MARCHF1: variants seen among roughly 807,000 people sequenced by gnomAD.
The protein encoded by MARCHF1 is E3 ubiquitin-protein ligase MARCHF1.
MARCHF1 carries 40 observed loss-of-function variants against 54.2 expected under a neutral mutation model. That is an observed-to-expected ratio of 0.74 (90% confidence interval 0.57 to 0.96). MARCHF1 has a LOEUF of 0.96. Among genes scored for constraint, MARCHF1 ranks in the 40% least tolerant of loss-of-function variants. The pLI is 0.00. For synonymous variants in MARCHF1, 236 were observed against 236.3 expected, an observed-to-expected ratio of 1.00 and a Z score of 0.01; for missense variants, 586 against 656.5, an observed-to-expected ratio of 0.89 and a Z score of 1.17.
At chr4:163,576,485 T>A (rs754038734) in intron 8 of MARCHF1, among the ~76,000 whole-genome samples, 1 of 152,080 alleles carries the variant, frequency 6.6e-6, no homozygotes, top group Non-Finnish European at 1.5e-5. Flanking sequence ...TAGAGTATGT[T>A]CTGTGTGTAT....
intron 1 of MARCHF1, among the ~76,000 whole-genome samples, chr4:164,310,317 C>A (rs1579709796): frequency 6.6e-6 from 1 of 152,034 alleles, no homozygotes; most frequent in Admixed American, 6.6e-5. Context: ...ACCTCATGAT[C>A]CGCCTACCTT....
chr4:163,612,628 T>C lies in MARCHF1; in HGVS notation c.653A>G (p.Glu218Gly), dbSNP rs1420105307. ...ELVDLGSKGK[E>G]QQELIECESC... ...CTCACATTCAATCAGCTCTTGTTGC[T>C]CTTTACCTTTGGATCCCAGATCAAC... The change falls in exon 7 of 10, where the codon GAG becomes GGG. Residue 218 changes from glutamate (E) to glycine (G), a missense_variant. This residue lies in a region of MARCHF1 where 387 missense variants were observed against 394.6 expected (regional missense o/e 0.98). Transcript: ENST00000514618. 2.0e-6 allele frequency: 3 copies of C among 1,535,482 alleles called. No individual in the cohort carries two copies. The highest frequency in any genetic ancestry group is 2.7e-5 in the African/African-American group (2 of 72,998).
At chr4:164,028,312 G>A (rs947108640) in intron 2 of MARCHF1, among the ~76,000 whole-genome samples, 1 of 152,052 alleles carries the variant, frequency 6.6e-6, no homozygotes, top group Non-Finnish European at 1.5e-5. Flanking sequence ...CAAAGACATG[G>A]GATCAACCTA....
At chr4:164,345,440 C>T (rs188796350) in intron 1 of MARCHF1, among the ~76,000 whole-genome samples, 4 of 151,832 alleles carry the variant, frequency 2.6e-5, no homozygotes, top group South Asian at 2.1e-4. Flanking sequence ...GGTGTAGTGG[C>T]GCATGCTTGT....
intron 1 of MARCHF1, among the ~76,000 whole-genome samples, chr4:164,351,484 A>AC (rs999564622): frequency 2.0e-5 from 3 of 150,942 alleles, no homozygotes; most frequent in Non-Finnish European, 3.0e-5. Flanking sequence ...ACTGGGAGGC[A>AC]CCCCCCAGCA....
chr4:164,264,403 C>T (rs146078499), intron 1 of MARCHF1, among the ~76,000 whole-genome samples: 129 of 151,138 alleles, frequency 8.5e-4, no homozygotes, highest in African/African-American at 2.5e-3. Context: ...AATACCTGGG[C>T]GATGAAATAA....
intron 1 of MARCHF1, among the ~76,000 whole-genome samples, chr4:164,310,781 TGA>T (rs1378667141): frequency 6.6e-6 from 1 of 152,106 alleles, no homozygotes; most frequent in Non-Finnish European, 1.5e-5. Flanking sequence ...ATAAGGAAAC[TGA>T]GAGATCAAAT....
chr4:163,736,057 C>T (rs1746025957), intron 4 of MARCHF1, among the ~76,000 whole-genome samples: 1 of 152,084 alleles, frequency 6.6e-6, no homozygotes, highest in Non-Finnish European at 1.5e-5. Flanking sequence ...ATATGCTGTT[C>T]ACAATTTCAT....
At chr4:163,829,665 C>G (rs181949982) in intron 4 of MARCHF1, among the ~76,000 whole-genome samples, 1 of 152,050 alleles carries the variant, frequency 6.6e-6, no homozygotes, top group Non-Finnish European at 1.5e-5. Flanking sequence ...ATGATATGTA[C>G]GCAAATATTT....
chr4:163,812,963 A>T (rs1021531067), intron 4 of MARCHF1, among the ~76,000 whole-genome samples: 2 of 152,194 alleles, frequency 1.3e-5, no homozygotes, highest in East Asian at 3.9e-4. Flanking sequence ...ATACGTAAAG[A>T]TTATATATGG....
chr4:164,124,745 C>A (rs1199935882), intron 1 of MARCHF1, among the ~76,000 whole-genome samples: 1 of 151,842 alleles, frequency 6.6e-6, no homozygotes, highest in South Asian at 2.1e-4. Flanking sequence ...AACCCATGGA[C>A]ACAGAGAGTA....
chr4:164,315,274 T>G (rs769542523), intron 1 of MARCHF1, among the ~76,000 whole-genome samples: 1 of 151,392 alleles, frequency 6.6e-6, no homozygotes, highest in Non-Finnish European at 1.5e-5. Flanking sequence ...CCCTTAACTT[T>G]CAATTACAAT....
intron 1 of MARCHF1, among the ~76,000 whole-genome samples, chr4:164,381,265 A>C (rs563313110): frequency 9.2e-5 from 14 of 152,328 alleles, no homozygotes; most frequent in African/African-American, 3.1e-4. Flanking sequence ...ACATTAAAGA[A>C]CATTATGAGA....
At chr4:163,563,233 A>G (rs939633445) in intron 8 of MARCHF1, among the ~76,000 whole-genome samples, 5 of 152,132 alleles carry the variant, frequency 3.3e-5, no homozygotes, top group African/African-American at 1.2e-4. Context: ...ATGGTTTTAC[A>G]TTATTAACTT....
At chr4:163,772,868 A>G (rs770916652) in intron 4 of MARCHF1, among the ~76,000 whole-genome samples, 1 of 152,100 alleles carries the variant, frequency 6.6e-6, no homozygotes, top group Non-Finnish European at 1.5e-5. Context: ...CCTGCTGCAC[A>G]TTGCCACTGA....
chr4:163,622,980 C>G (rs1011369739), intron 5 of MARCHF1, among the ~76,000 whole-genome samples: 55 of 152,102 alleles, frequency 3.6e-4, no homozygotes, highest in African/African-American at 1.3e-3. Context: ...AGAGGACAAG[C>G]TCAGCCAGGA....
rs1218812755 is a variant in MARCHF1 at position 164,233,079 on chromosome 4, T to C, written c.-322-121417A>G. 2.0e-5 allele frequency among the ~76,000 whole-genome samples: 3 copies of C among 152,208 alleles called. No homozygotes were observed. The East Asian group carries it at 5.8e-4, about 29-fold the overall frequency. ...GTGCCATACAAGAGGCTTTTAAGCA[T>C]CTAAAGTAATACTTTTGGACTCAGA... On this transcript the variant is annotated intron_variant, in intron 1 of 9. Coordinates refer to ENST00000514618, the MANE Select transcript of MARCHF1 (RefSeq NM_001394959.1).
At chr4:164,030,459 C>T (rs1243126180) in intron 2 of MARCHF1, among the ~76,000 whole-genome samples, 1 of 152,160 alleles carries the variant, frequency 6.6e-6, no homozygotes, top group Non-Finnish European at 1.5e-5. Context: ...TTGCTATCTA[C>T]TTTTGCATTC....
In MARCHF1 at chr4:163,723,543, T is replaced by A. The variant is rs180721196; in HGVS notation, c.112-22680A>T. Among the ~76,000 whole-genome samples the A allele has an allele frequency of 3.0e-3, 450 of 152,324 alleles. 3 individuals carry two copies. The highest frequency in any genetic ancestry group is 0.011 in the African/African-American group (441 of 41,568). ...CGAGGAGTATCTTTGTGGCGTTCTC[T>A]GTATTTCCTGAATTTGAATGTTGGC... On this transcript the variant is annotated intron_variant, in intron 4 of 9. Coordinates refer to ENST00000514618, the MANE Select transcript of MARCHF1 (RefSeq NM_001394959.1).
Sources: gnomAD v4.1 joint callset for allele counts (sites outside exome capture counted in the v4.1 genomes callset) on GRCh38, gnomAD v4.1.1 for gene constraint, gnomAD v4.1.1 regional missense constraint, MANE v1.5 for transcripts, NCBI Gene and HGNC (gene_info 2026-07-23, HGNC 2026-07-21) for gene names.